Variants in CTNNA3 observed in about 807,000 individuals in gnomAD.
CTNNA3 encodes the protein catenin alpha-3.
Under a neutral mutation model 95.7 loss-of-function variants are expected in CTNNA3, and 76 were observed. That is an observed-to-expected ratio of 0.79 (90% CI 0.66 to 0.96). CTNNA3 has a LOEUF of 0.96. Among genes scored for constraint, CTNNA3 ranks in the 40% least tolerant of loss-of-function variants. The pLI, the probability that CTNNA3 is intolerant of heterozygous loss-of-function variation, is 0.00. For synonymous variants in CTNNA3, 431 were observed against 374.4 expected, an observed-to-expected ratio of 1.15 and a Z score of -1.74; for missense variants, 1,191 against 1,089.8, an observed-to-expected ratio of 1.09 and a Z score of -1.31.
At chr10:66,360,810 TTCCTTCCTTTCTTTC>T (rs1564897226) in intron 12 of CTNNA3, among the ~76,000 whole-genome samples, 2 of 79,412 alleles carry the variant, frequency 2.5e-5, no homozygotes, top group Non-Finnish European at 4.7e-5. Context: ...CCTTCCTTCC[TTCCTTCCTTTCTTTC>T]TTTCTTTCTT....
intron 14 of CTNNA3, among the ~76,000 whole-genome samples, chr10:66,078,157 C>A (rs551676868): frequency 6.6e-6 from 1 of 151,842 alleles, no homozygotes; most frequent in Non-Finnish European, 1.5e-5. Flanking sequence ...AAATCTTTAT[C>A]TTTCCTCTCT....
rs577327033 is a variant in CTNNA3 at position 66,085,917 on chromosome 10, C to T, written c.1978-16428G>A. Among the ~76,000 whole-genome samples, 21 of 152,092 alleles carry T rather than the reference C, an allele frequency of 1.4e-4. No homozygotes were observed. In the South Asian group the frequency reaches 4.1e-3, roughly 30 times the overall value. On this transcript the variant is annotated intron_variant, in intron 14 of 17. Transcript: ENST00000433211. Reference sequence around the variant, plus strand: ...CCTAAGATTCAAAACATGTAAAACACCCCTTTGCTGCTGCAAGAATCAAAA... The same window carrying T: ...CCTAAGATTCAAAACATGTAAAACATCCCTTTGCTGCTGCAAGAATCAAAA...
At chr10:66,903,234 A>T (rs1845832888) in intron 7 of CTNNA3, among the ~76,000 whole-genome samples, 1 of 152,224 alleles carries the variant, frequency 6.6e-6, no homozygotes, top group African/African-American at 2.4e-5. Context: ...TACACAAATC[A>T]GTAAACATAA....
intron 12 of CTNNA3, among the ~76,000 whole-genome samples, chr10:66,360,639 CTTTCT>C (rs1355496785): frequency 2.5e-4 from 14 of 56,624 alleles, no homozygotes; most frequent in African/African-American, 8.8e-4. Flanking sequence ...TTCTTTCTTT[CTTTCT>C]TTCTTTCTTT....
chr10:66,947,828 T>C (rs1283450032), intron 7 of CTNNA3, among the ~76,000 whole-genome samples: 4 of 152,186 alleles, frequency 2.6e-5, no homozygotes, highest in African/African-American at 4.8e-5. Flanking sequence ...AATGCAGTCA[T>C]GTGGCGCTTA....
intron 15 of CTNNA3, among the ~76,000 whole-genome samples, chr10:66,041,597 G>A (rs1001558997): frequency 5.9e-5 from 9 of 152,136 alleles, no homozygotes; most frequent in Non-Finnish European, 1.3e-4. Context: ...AATGAAGGAT[G>A]AGCAGGTTCT....
intron 5 of CTNNA3, among the ~76,000 whole-genome samples, chr10:67,321,105 T>C (rs1841302945): frequency 6.6e-6 from 1 of 152,192 alleles, no homozygotes; most frequent in Non-Finnish European, 1.5e-5. Flanking sequence ...CAACACTAAC[T>C]GCACTTAACA....
chr10:66,895,721 C>A (rs1845453789), intron 7 of CTNNA3, among the ~76,000 whole-genome samples: 1 of 151,690 alleles, frequency 6.6e-6, no homozygotes, highest in African/African-American at 2.4e-5. Flanking sequence ...ATAAAGAAGC[C>A]AGGAGGATTA....
chr10:66,692,681 T>A (rs1847595252), intron 9 of CTNNA3, among the ~76,000 whole-genome samples: 1 of 151,826 alleles, frequency 6.6e-6, no homozygotes, highest in Admixed American at 6.6e-5. Context: ...AAAGTTGAAA[T>A]GAAGGAAAAA....
chr10:66,026,923 A>G (rs1027468477), intron 15 of CTNNA3, among the ~76,000 whole-genome samples: 3 of 152,178 alleles, frequency 2.0e-5, no homozygotes, highest in African/African-American at 7.2e-5. Flanking sequence ...GTAAATAAAT[A>G]TTAGCATTTC....
chr10:67,223,541 G>A (rs1400516022), intron 5 of CTNNA3, among the ~76,000 whole-genome samples: 1 of 152,168 alleles, frequency 6.6e-6, no homozygotes, highest in African/African-American at 2.4e-5. Flanking sequence ...GACATTAAAT[G>A]TTTCCAGCTG....
intron 11 of CTNNA3, among the ~76,000 whole-genome samples, chr10:66,400,230 G>T (rs1323131093): frequency 6.6e-6 from 1 of 152,010 alleles, no homozygotes; most frequent in Non-Finnish European, 1.5e-5. Flanking sequence ...TAAGGTTCAA[G>T]AGAATTACCA....
chr10:66,315,184 T>C (rs1433498581), intron 12 of CTNNA3, among the ~76,000 whole-genome samples: 2 of 152,014 alleles, frequency 1.3e-5, no homozygotes, highest in Non-Finnish European at 2.9e-5. Context: ...CTACAAATGA[T>C]TTTTAAGTAA....
chr10:67,280,514 CT>C (rs766319344), intron 5 of CTNNA3, among the ~76,000 whole-genome samples: 1 of 151,942 alleles, frequency 6.6e-6, no homozygotes, highest in Non-Finnish European at 1.5e-5. Context: ...AAAGAAAACT[CT>C]CAGCAAACAG....
chr10:66,503,808 A>G (rs186446201), intron 11 of CTNNA3, among the ~76,000 whole-genome samples: 669 of 152,290 alleles, frequency 4.4e-3, no homozygotes, highest in East Asian at 8.5e-3. Flanking sequence ...CTCTAAAGAG[A>G]AAATTCACTA....
Position 66,619,034 on chromosome 10 carries a change from T to C in CTNNA3, c.1374+2658A>G, listed in dbSNP as rs1331069703. ...AGATACCATCTCACACCAGTTAGAA[T>C]GGCAATCATTAAAATGTCAGGAAAC... On this transcript the variant is annotated intron_variant, in intron 10 of 17. Transcript: ENST00000433211. Among the ~76,000 whole-genome samples the C allele has an allele frequency of 1.6e-4, 24 of 152,120 alleles. No homozygotes were observed. The East Asian group carries it at 4.5e-3, about 28-fold the overall frequency.
Position 66,224,482 on chromosome 10 carries a change from G to A in CTNNA3, c.1884+55988C>T, listed in dbSNP as rs7080011. On this transcript the variant is annotated intron_variant, in intron 13 of 17. Transcript: ENST00000433211. Reference sequence around the variant, plus strand: ...ATATTGCTTGTCATGGTAACAACGTGAAATACAAGAATATGATACTAAAAT... The same window carrying A: ...ATATTGCTTGTCATGGTAACAACGTAAAATACAAGAATATGATACTAAAAT... Among the ~76,000 whole-genome samples the A allele has an allele frequency of 5.1e-3, 775 of 152,196 alleles. 5 individuals are homozygous for A. The highest frequency in any genetic ancestry group is 0.018 in the African/African-American group (727 of 41,540).
intron 14 of CTNNA3, among the ~76,000 whole-genome samples, chr10:66,072,281 G>A (rs184612017): frequency 7.3e-4 from 111 of 152,254 alleles, no homozygotes; most frequent in African/African-American, 2.5e-3. Flanking sequence ...GCAGGCAGCA[G>A]GCCAGATTTG....
chr10:67,449,588 G>A (rs1479013276), intron 5 of CTNNA3, among the ~76,000 whole-genome samples: 1 of 152,152 alleles, frequency 6.6e-6, no homozygotes, highest in Non-Finnish European at 1.5e-5. Flanking sequence ...AAATGGTGCT[G>A]GGATAACTGT....
Sources: allele counts gnomAD v4.1 joint callset (sites outside exome capture counted in the v4.1 genomes callset), GRCh38; gene constraint gnomAD v4.1.1; transcripts MANE v1.5; gene names NCBI Gene and HGNC (gene_info 2026-07-23, HGNC 2026-07-21).